The following DGKB variants were observed in gnomAD, a reference collection of about 807,000 sequenced individuals.
DGKB encodes the protein 90 kDa diacylglycerol kinase.
Under a neutral mutation model 114.3 loss-of-function variants are expected in DGKB, and 67 were observed. That is an observed-to-expected ratio of 0.59 (90% CI 0.48 to 0.72). DGKB has a LOEUF of 0.72. Among genes scored for constraint, DGKB ranks in the 30% least tolerant of loss-of-function variants. DGKB has a pLI of 0.00. For synonymous variants in DGKB, 398 were observed against 323.1 expected (o/e 1.23, Z -2.49); for missense variants, 907 against 975.2 (o/e 0.93, Z 0.93).
intron 6 of DGKB, among the ~76,000 whole-genome samples, chr7:14,705,816 C>G (rs189777830): frequency 0.05 from 7,545 of 151,708 alleles, 270 homozygotes; most frequent in Non-Finnish European, 0.076. Context: ...CTGAAGGAAG[C>G]GCTAAATATG....
chr7:14,219,262 TC>T (rs1337069382), intron 23 of DGKB, among the ~76,000 whole-genome samples: 1 of 151,902 alleles, frequency 6.6e-6, no homozygotes, highest in Non-Finnish European at 1.5e-5. Context: ...ACATAAGCTT[TC>T]AGTTTTCATG....
chr7:14,231,041 A>G (rs545702631), intron 23 of DGKB, among the ~76,000 whole-genome samples: 3 of 152,114 alleles, frequency 2.0e-5, no homozygotes, highest in South Asian at 4.2e-4. Context: ...TTGTTGGCTG[A>G]CGAATTGTAT....
At chr7:14,226,861 A>G (rs1370032757) in intron 23 of DGKB, among the ~76,000 whole-genome samples, 10 of 152,094 alleles carry the variant, frequency 6.6e-5, no homozygotes, top group African/African-American at 1.2e-4. Flanking sequence ...TTTAAATTAC[A>G]TAATTTTAAA....
chr7:14,418,407 A>G (rs1398412961), intron 21 of DGKB, among the ~76,000 whole-genome samples: 1 of 147,866 alleles, frequency 6.8e-6, no homozygotes, highest in African/African-American at 2.5e-5. Context: ...ACACACATAT[A>G]TTCATGTGAG....
intron 17 of DGKB, among the ~76,000 whole-genome samples, chr7:14,587,396 A>T (rs528442368): frequency 1.3e-5 from 2 of 152,122 alleles, no homozygotes; most frequent in African/African-American, 4.8e-5. Context: ...ATAAGCAAAA[A>T]AAGAGGGTTT....
intron 21 of DGKB, among the ~76,000 whole-genome samples, chr7:14,365,338 A>G (rs746900556): frequency 6.6e-6 from 1 of 152,008 alleles, no homozygotes; most frequent in Non-Finnish European, 1.5e-5. Context: ...ATATCTTCTA[A>G]GAGTTTTTGT....
intron 25 of DGKB, among the ~76,000 whole-genome samples, chr7:14,152,226 C>G (rs1268399858): frequency 6.6e-6 from 1 of 151,982 alleles, no homozygotes; most frequent in East Asian, 1.9e-4. Flanking sequence ...AACCAAATGG[C>G]CTTTGAGTGC....
Position 14,923,089 on chromosome 7 carries a change from TAC to T in DGKB, c.-188+51605_-188+51606del, listed in dbSNP as rs533832716. Among the ~76,000 whole-genome samples, 78 of 152,320 alleles carry T rather than the reference TAC, an allele frequency of 5.1e-4. 1 individual carries two copies. The East Asian group carries it at 0.014, about 27-fold the overall frequency. The stretch of plus-strand genomic sequence containing the variant: ...TCCAATTATAAACAGGTATTTTTGG[TAC>T]ACAGTTTGAAGTTTTATTCCACTCT... On this transcript the variant is annotated intron_variant, in intron 1 of 4. Coordinates refer to the DGKB transcript ENST00000437998.
intron 23 of DGKB, among the ~76,000 whole-genome samples, chr7:14,208,409 T>G (rs2128299924): frequency 6.6e-6 from 1 of 152,162 alleles, no homozygotes; most frequent in East Asian, 1.9e-4. Flanking sequence ...AAGTATATTC[T>G]ACTTAATCTT....
intron 25 of DGKB, among the ~76,000 whole-genome samples, chr7:14,174,402 G>A (rs1781429471): frequency 6.6e-6 from 1 of 152,110 alleles, no homozygotes; most frequent in Non-Finnish European, 1.5e-5. Context: ...GGATGTACAG[G>A]ACATTCTAAG....
Position 14,279,238 on chromosome 7 carries a change from C to G in DGKB, c.2122+59277G>C, listed in dbSNP as rs532056949. On this transcript the variant is annotated intron_variant, in intron 23 of 25. Transcript: ENST00000402815. ...CGTGGCTCGGAGGGTCCTACCCCCA[C>G]GGAGTCTCGCTGATTGCTAGCACAG... Among the ~76,000 whole-genome samples, 167 of 152,030 alleles carry G rather than the reference C, an allele frequency of 1.1e-3. 1 individual carries two copies. The highest frequency in any genetic ancestry group is 1.0e-3 in the Non-Finnish European group (68 of 68,026).
intron 6 of DGKB, among the ~76,000 whole-genome samples, chr7:14,707,269 A>T (rs1826453864): frequency 6.7e-6 from 1 of 149,388 alleles, no homozygotes; most frequent in Non-Finnish European, 1.5e-5. Context: ...TAAACCAGGA[A>T]GAAGTTGAAT....
intron 13 of DGKB, among the ~76,000 whole-genome samples, chr7:14,667,603 A>T (rs1323570732): frequency 6.6e-6 from 1 of 152,054 alleles, no homozygotes; most frequent in African/African-American, 2.4e-5. Flanking sequence ...ACAACATGAT[A>T]TATGTGAGGA....
intron 1 of DGKB, among the ~76,000 whole-genome samples, chr7:14,933,852 G>A (rs1194029308): frequency 6.6e-6 from 1 of 151,970 alleles, no homozygotes; most frequent in East Asian, 1.9e-4. Flanking sequence ...TCCTCTGTTT[G>A]GTTGATATCT....
At chr7:14,312,959 T>C (rs1399894093) in intron 23 of DGKB, among the ~76,000 whole-genome samples, 2 of 152,230 alleles carry the variant, frequency 1.3e-5, no homozygotes, top group Non-Finnish European at 2.9e-5. Flanking sequence ...ACAGAACTGA[T>C]ATTATTTTCA....
intron 17 of DGKB, among the ~76,000 whole-genome samples, chr7:14,593,074 T>C (rs1460479435): frequency 6.6e-6 from 1 of 152,064 alleles, no homozygotes; most frequent in Admixed American, 6.6e-5. Flanking sequence ...TATGTTACCA[T>C]AATAACCAGA....
At chr7:14,351,948 AG>A (rs1377731060) in intron 21 of DGKB, among the ~76,000 whole-genome samples, 1 of 152,236 alleles carries the variant, frequency 6.6e-6, no homozygotes, top group Non-Finnish European at 1.5e-5. Context: ...TTTATAAGGA[AG>A]AAACACAGCT....
chr7:14,417,839 T>C (rs1018826179), intron 21 of DGKB, among the ~76,000 whole-genome samples: 1 of 151,782 alleles, frequency 6.6e-6, no homozygotes, highest in Admixed American at 6.6e-5. Context: ...CTTCAGGATA[T>C]TTGAGGGTTT....
At chr7:14,523,474 T>A (rs1790115732) in intron 20 of DGKB, among the ~76,000 whole-genome samples, 3 of 152,188 alleles carry the variant, frequency 2.0e-5, no homozygotes, top group Non-Finnish European at 4.4e-5. Context: ...CTTCTTATAG[T>A]TCAGTCAACA....
Sources: allele counts gnomAD v4.1 joint callset (sites outside exome capture counted in the v4.1 genomes callset), GRCh38; gene constraint gnomAD v4.1.1; transcripts MANE v1.5; gene names NCBI Gene and HGNC (gene_info 2026-07-23, HGNC 2026-07-21).